The following ARHGEF37 variants were observed in gnomAD, a reference collection of about 807,000 sequenced individuals.
ARHGEF37 encodes Rho guanine nucleotide exchange factor (GEF) 37.
A neutral mutation model predicts 71.1 loss-of-function variants in ARHGEF37; 55 were observed. The observed-to-expected ratio is 0.77, with a 90% CI of 0.62 to 0.97. The LOEUF is 0.97. Ranked by LOEUF, ARHGEF37 falls within the 50% of genes least tolerant of loss-of-function variation. The pLI, the probability that ARHGEF37 is intolerant of heterozygous loss-of-function variation, is 0.00. For missense variants in ARHGEF37, 765 were observed against 836.8 expected (o/e 0.91, Z 1.06); for synonymous variants, 327 against 350.6 (o/e 0.93, Z 0.75).
chr5:149,606,868 A>G (rs1016213782), intron 3 of ARHGEF37: 2 of 152,116 alleles, frequency 1.3e-5, no homozygotes, highest in Non-Finnish European at 2.9e-5. Context: ...AAGACCCTAC[A>G]TGATCTGGCT....
At chr5:149,587,210 A>G (rs1368886792) in intron 1 of ARHGEF37, among the ~76,000 whole-genome samples, 1 of 152,108 alleles carries the variant, frequency 6.6e-6, no homozygotes, top group Non-Finnish European at 1.5e-5. Flanking sequence ...TTTCTATGGT[A>G]TTAGTCTTAT....
chr5:149,553,385 C>T (rs759081730), intron 1 of ARHGEF37, among the ~76,000 whole-genome samples: 16 of 151,458 alleles, frequency 1.1e-4, no homozygotes, highest in Non-Finnish European at 1.6e-4. Context: ...GGAGACAGAG[C>T]GAGACTCCAC....
rs568489670 is a variant in ARHGEF37, at chr5:149,601,113, G to T, written c.192G>T (p.Pro64=). 3.7e-6 allele frequency: 6 copies of T among 1,609,738 alleles called. No individual in the cohort carries two copies. Among genetic ancestry groups the T allele is most frequent in the South Asian group, 3.3e-5 (3 of 90,678 alleles). ...SDIRSRLQQL[P]QGDLDVLFSN... ...GGCTTCTTTGTTCCTTCCAGTTGCCGCAGGGAGATCTGGATGTCCTGTTCT... is the reference window on the plus strand; with the variant it reads ...GGCTTCTTTGTTCCTTCCAGTTGCCTCAGGGAGATCTGGATGTCCTGTTCT... Residue 64 remains proline (P), a synonymous_variant, in exon 3 of 13, where the codon CCG becomes CCT. Transcript: ENST00000333677.
intron 1 of ARHGEF37, among the ~76,000 whole-genome samples, chr5:149,553,290 C>G (rs1489329276): frequency 6.6e-6 from 1 of 152,070 alleles, no homozygotes; most frequent in Non-Finnish European, 1.5e-5. Flanking sequence ...GCTCCAGCTA[C>G]TAGGGAGGCT....
chr5:149,601,991 G>C (rs72823588), intron 3 of ARHGEF37, among the ~76,000 whole-genome samples: 2 of 152,266 alleles, frequency 1.3e-5, no homozygotes, highest in African/African-American at 2.4e-5. Flanking sequence ...TTCTAACTGT[G>C]ATGGGGAGCC....
In ARHGEF37 at chr5:149,601,157, T is replaced by C. The variant is rs1051556448; in HGVS notation, c.236T>C (p.Ile79Thr). The C allele has an allele frequency of 6.2e-7, 1 of 1,613,230 alleles. No homozygotes were observed. The highest frequency in any genetic ancestry group is 1.3e-5 in the African/African-American group (1 of 74,862). The change falls in exon 3 of 13, where the codon ATC becomes ACC. Residue 79 changes from isoleucine (I) to threonine (T), a missense_variant. By Grantham distance (89) the Ile-to-Thr change is moderately conservative (BLOSUM62 -1). Transcript: ENST00000333677. ...CTGTTCTCAAACATTGATGATATCA[T>C]CAAAGTGAACAGCAGATTCCTCCAT... The part of the protein sequence containing the change: ...DVLFSNIDDI[I>T]KVNSRFLHDL...
At chr5:149,568,727 G>A (rs956184956) in intron 1 of ARHGEF37, among the ~76,000 whole-genome samples, 14 of 150,484 alleles carry the variant, frequency 9.3e-5, no homozygotes, top group African/African-American at 1.7e-4. Flanking sequence ...AGGGAGAATC[G>A]CTGGCACCTG....
At chr5:149,557,161 C>T (rs1220202196) in intron 1 of ARHGEF37, among the ~76,000 whole-genome samples, 2 of 152,152 alleles carry the variant, frequency 1.3e-5, no homozygotes, top group Admixed American at 6.6e-5. Context: ...AAGAAAGAAA[C>T]ATTTAATAGG....
chr5:149,558,852 A>C (rs1477393895), intron 1 of ARHGEF37, among the ~76,000 whole-genome samples: 2 of 152,100 alleles, frequency 1.3e-5, no homozygotes, highest in African/African-American at 4.8e-5. Context: ...CTTAGAGGTA[A>C]TCACCAAATG....
intron 11 of ARHGEF37, 46 bp downstream of exon 11, chr5:149,627,317 C>T: frequency 6.3e-7 from 1 of 1,576,508 alleles, no homozygotes; most frequent in Non-Finnish European, 8.6e-7. Context: ...GGGAAAACCA[C>T]CCCACAGAAG....
At chr5:149,568,824 A>C (rs969783791) in intron 1 of ARHGEF37, among the ~76,000 whole-genome samples, 3 of 151,948 alleles carry the variant, frequency 2.0e-5, no homozygotes, top group African/African-American at 7.2e-5. Flanking sequence ...AAAAAAAAAA[A>C]AAAAAAAAGA....
chr5:149,628,968 T>G lies in ARHGEF37; in HGVS notation c.1818+2T>G. On this transcript the variant is annotated splice_donor_variant, in intron 12 of 12. Transcript: ENST00000333677. LOFTEE classifies it high-confidence loss of function. The stretch of plus-strand genomic sequence containing the variant: ...CCCTCTATTCCCACCATGAACCAGG[T>G]GAGTATAGGAGAGGGCTGGGGGCTT... 6.2e-6 allele frequency: 10 copies of G among 1,611,340 alleles called. No homozygotes were observed. The highest frequency in any genetic ancestry group is 7.6e-6 in the Non-Finnish European group (9 of 1,179,538).
intron 1 of ARHGEF37, among the ~76,000 whole-genome samples, chr5:149,559,032 G>T (rs118122026): frequency 0.024 from 3,680 of 151,998 alleles, 78 homozygotes; most frequent in East Asian, 0.09. Flanking sequence ...CTTAAAATTT[G>T]CAAAAACTGG....
intron 1 of ARHGEF37, among the ~76,000 whole-genome samples, chr5:149,591,226 C>CAAAAAA (rs113486514): frequency 7.0e-6 from 1 of 143,194 alleles, no homozygotes; most frequent in Non-Finnish European, 1.5e-5. Flanking sequence ...TGTTCCATCT[C>CAAAAAA]AAAAAAAAAA....
chr5:149,599,996 T>A (rs1371813007), intron 2 of ARHGEF37, among the ~76,000 whole-genome samples: 1 of 152,184 alleles, frequency 6.6e-6, no homozygotes, highest in African/African-American at 2.4e-5. Flanking sequence ...AGTGAGGCAA[T>A]TTCATCATGT....
intron 1 of ARHGEF37, among the ~76,000 whole-genome samples, chr5:149,556,904 T>C (rs747606938): frequency 2.6e-5 from 4 of 152,220 alleles, no homozygotes; most frequent in Non-Finnish European, 4.4e-5. Context: ...ATGAAGACAT[T>C]AGAAATGTGC....
upstream of ARHGEF37, among the ~76,000 whole-genome samples, chr5:149,580,268 C>T (rs1000419976): frequency 1.3e-5 from 2 of 152,012 alleles, no homozygotes; most frequent in African/African-American, 4.8e-5. Context: ...ACTATGTTGG[C>T]CAGGATGGTC....
At chr5:149,555,915 G>T (rs1158877779) in intron 1 of ARHGEF37, among the ~76,000 whole-genome samples, 1 of 151,986 alleles carries the variant, frequency 6.6e-6, no homozygotes, top group Non-Finnish European at 1.5e-5. Flanking sequence ...CTTGAGGCCA[G>T]GAGTTCAAGA....
At chr5:149,626,120 G>A (rs1360991628) in intron 10 of ARHGEF37, among the ~76,000 whole-genome samples, 1 of 152,002 alleles carries the variant, frequency 6.6e-6, no homozygotes. Context: ...ATCCTGAGAC[G>A]CCATCCCCTT....
Sources: gnomAD v4.1 joint callset for allele counts (sites outside exome capture counted in the v4.1 genomes callset) on GRCh38, gnomAD v4.1.1 for gene constraint, MANE v1.5 for transcripts, NCBI Gene and HGNC (gene_info 2026-07-23, HGNC 2026-07-21) for gene names.